MBD5: variants seen among roughly 807,000 people sequenced by gnomAD.
MBD5 encodes methyl-CpG-binding domain protein 5.
MBD5 carries 13 observed loss-of-function variants against 117.3 expected under a neutral mutation model. The observed-to-expected ratio is 0.11, with a 90% CI of 0.07 to 0.18. The LOEUF (loss-of-function observed/expected upper bound fraction) is 0.18. Among genes scored for constraint, MBD5 ranks in the 10% least tolerant of loss-of-function variants. The probability of loss-of-function intolerance (pLI) is 1.00; values close to 1 mark genes in which losing one functional copy is unlikely to be tolerated. For missense variants in MBD5, 1,879 were observed against 2,093.8 expected, an observed-to-expected ratio of 0.90 and a Z score of 2.00; for synonymous variants, 727 against 766.4, an observed-to-expected ratio of 0.95 and a Z score of 0.85.
At chr2:148,435,261 A>G (rs1183360367) in intron 4 of MBD5, among the ~76,000 whole-genome samples, 2 of 152,076 alleles carry the variant, frequency 1.3e-5, no homozygotes, top group East Asian at 3.9e-4. Flanking sequence ...GTCCACTTAC[A>G]TTCATAGTTA....
At chr2:148,499,785 G>A (rs557504585) in intron 11 of MBD5, among the ~76,000 whole-genome samples, 65 of 152,136 alleles carry the variant, frequency 4.3e-4, no homozygotes, top group African/African-American at 1.5e-3. Flanking sequence ...AATTTATTTT[G>A]TTGTTCTCTG....
intron 3 of MBD5, among the ~76,000 whole-genome samples, chr2:148,239,019 T>TACACACACACAC (rs10692364): frequency 6.7e-6 from 1 of 149,810 alleles, no homozygotes; most frequent in African/African-American, 2.4e-5. Context: ...ATATATTATA[T>TACACACACACAC]ACACACACAC....
chr2:148,070,782 AAC>A (rs1362958571), intron 1 of MBD5: 2 of 152,160 alleles, frequency 1.3e-5, no homozygotes, highest in Non-Finnish European at 2.9e-5. Context: ...TTATTTACAC[AAC>A]AGTCTATTTA....
chr2:148,175,999 T>C (rs1698375284), intron 1 of MBD5, among the ~76,000 whole-genome samples: 1 of 152,178 alleles, frequency 6.6e-6, no homozygotes, highest in Non-Finnish European at 1.5e-5. Context: ...TTTTTAATCA[T>C]TAAAGATTAA....
intron 1 of MBD5, among the ~76,000 whole-genome samples, chr2:148,063,475 G>A (rs1329528654): frequency 2.0e-5 from 3 of 152,054 alleles, no homozygotes; most frequent in Non-Finnish European, 4.4e-5. Flanking sequence ...TAGGAACCTG[G>A]CTCAACTCTG....
At chr2:148,250,316 T>C (rs10210377) in intron 3 of MBD5, among the ~76,000 whole-genome samples, 91,277 of 151,786 alleles carry the variant, frequency 0.6, 27,644 homozygotes, top group East Asian at 0.71. Context: ...TACTTGAGGG[T>C]GGAGGTTGGA....
At chr2:148,199,139 G>A (rs1699070827) in intron 2 of MBD5, among the ~76,000 whole-genome samples, 1 of 152,160 alleles carries the variant, frequency 6.6e-6, no homozygotes, top group Non-Finnish European at 1.5e-5. Context: ...TGATCCTGCA[G>A]TCTTGAAGCA....
chr2:148,485,763 A>G lies in MBD5; in HGVS notation c.3566A>G (p.Asn1189Ser), dbSNP rs759177355. ...GTAGGTGATATGTCATCAATAAACA[A>G]TACTTTGAGTAACCATCAACTGACT... The part of the protein sequence containing the change: ...GLLGDMSSIN[N>S]TLSNHQLTHL... Residue 1189 changes from asparagine to serine, a missense_variant, in exon 10 of 14, where the codon AAT becomes AGT. Transcript: ENST00000642680. 1.9e-6 allele frequency: 3 copies of G among 1,613,214 alleles called. No individual in the cohort carries two copies. Among genetic ancestry groups the G allele is most frequent in the African/African-American group, 2.7e-5 (2 of 74,926 alleles).
chr2:148,202,796 G>A (rs1161490675), intron 2 of MBD5, among the ~76,000 whole-genome samples: 1 of 152,076 alleles, frequency 6.6e-6, no homozygotes, highest in African/African-American at 2.4e-5. Context: ...GGTAGGCTGA[G>A]GTGGGAGGAT....
intron 3 of MBD5, among the ~76,000 whole-genome samples, chr2:148,300,803 T>C (rs558129000): frequency 1.3e-5 from 2 of 152,196 alleles, no homozygotes; most frequent in East Asian, 3.9e-4. Flanking sequence ...ATGAAAAAAA[T>C]GTAGACTACA....
At chr2:148,405,374 C>A (rs1705044388) in intron 4 of MBD5, among the ~76,000 whole-genome samples, 1 of 152,192 alleles carries the variant, frequency 6.6e-6, no homozygotes, top group Non-Finnish European at 1.5e-5. Context: ...TTACTTCCCA[C>A]AACTAAGTAA....
chr2:148,123,632 C>T (rs1196774503), intron 1 of MBD5, among the ~76,000 whole-genome samples: 1 of 152,096 alleles, frequency 6.6e-6, no homozygotes, highest in Non-Finnish European at 1.5e-5. Context: ...GAAATGTTCA[C>T]CAGACAACTG....
At chr2:148,424,623 C>T (rs141372826) in intron 4 of MBD5, among the ~76,000 whole-genome samples, 86 of 152,258 alleles carry the variant, frequency 5.6e-4, no homozygotes, top group Non-Finnish European at 9.1e-4. Context: ...AAATTAACCA[C>T]ATAATTGGAA....
chr2:148,385,848 T>A (rs954679663), intron 4 of MBD5, among the ~76,000 whole-genome samples: 1 of 150,464 alleles, frequency 6.6e-6, no homozygotes, highest in African/African-American at 2.4e-5. Context: ...TTCTCAGCAA[T>A]CTATCGCAAG....
chr2:148,425,387 G>A (rs1484764224), intron 4 of MBD5, among the ~76,000 whole-genome samples: 1 of 152,156 alleles, frequency 6.6e-6, no homozygotes, highest in Non-Finnish European at 1.5e-5. Flanking sequence ...AATTGAGGCA[G>A]TAATTAATAG....
intron 1 of MBD5, among the ~76,000 whole-genome samples, chr2:148,029,817 G>A (rs1693989016): frequency 6.6e-6 from 1 of 152,018 alleles, no homozygotes; most frequent in African/African-American, 2.4e-5. Flanking sequence ...CATTCTTTAT[G>A]TATGTACATG....
At chr2:148,439,720 C>T (rs1416577438) in intron 4 of MBD5, among the ~76,000 whole-genome samples, 1 of 150,194 alleles carries the variant, frequency 6.7e-6, no homozygotes, top group Non-Finnish European at 1.5e-5. Context: ...CAATTGTCAC[C>T]TATGTTCATT....
At chr2:148,326,329 A>G (rs1293297972) in intron 3 of MBD5, among the ~76,000 whole-genome samples, 2 of 152,040 alleles carry the variant, frequency 1.3e-5, no homozygotes, top group African/African-American at 4.8e-5. Flanking sequence ...TGGGGTGGAG[A>G]GTTCCGTAGA....
intron 1 of MBD5, among the ~76,000 whole-genome samples, chr2:148,090,683 G>A (rs1695918610): frequency 1.3e-5 from 2 of 152,018 alleles, no homozygotes; most frequent in Admixed American, 6.5e-5. Context: ...CAGCATAGAA[G>A]GGATATACCT....
Sources: gnomAD v4.1 joint callset for allele counts (sites outside exome capture counted in the v4.1 genomes callset) on GRCh38, gnomAD v4.1.1 for gene constraint, MANE v1.5 for transcripts, NCBI Gene and HGNC (gene_info 2026-07-23, HGNC 2026-07-21) for gene names.